The following PACSIN2 variants were observed in gnomAD, a reference collection of about 807,000 sequenced individuals.
The protein encoded by PACSIN2 is protein kinase C and casein kinase substrate in neurons protein 2.
PACSIN2 carries 25 observed loss-of-function variants against 63.8 expected under a neutral mutation model. The observed-to-expected ratio is 0.39, with a 90% confidence interval of 0.29 to 0.55. The LOEUF (loss-of-function observed/expected upper bound fraction) is 0.55, where lower values mean the gene tolerates loss of function less well. Among genes scored for constraint, PACSIN2 ranks in the 20% least tolerant of loss-of-function variants. The pLI is 0.62. For synonymous variants in PACSIN2, 255 were observed against 256.2 expected (o/e 1.00, Z 0.05); for missense variants, 518 against 646.9 (o/e 0.80, Z 2.16).
intron 1 of PACSIN2, among the ~76,000 whole-genome samples, chr22:42,921,372 G>GAAAAAAA (rs66480466): frequency 3.2e-5 from 4 of 125,032 alleles, no homozygotes; most frequent in Admixed American, 7.8e-5. Context: ...AAAGAAAAAA[G>GAAAAAAA]AAAAAAAAAA....
intron 1 of PACSIN2, among the ~76,000 whole-genome samples, chr22:42,991,570 G>A (rs1013245703): frequency 1.3e-5 from 2 of 152,192 alleles, no homozygotes; most frequent in East Asian, 1.9e-4. Flanking sequence ...AGCGGGCATC[G>A]CCCAGTCCCT....
rs1372696599 is a variant in PACSIN2 at position 42,876,754 on chromosome 22, C to T, written c.1151+134G>A. On this transcript the variant is annotated intron_variant, in intron 9 of 10. Transcript: ENST00000263246. ...AGAGAGCAGGTAGTGGGCCAGGGTG[C>T]GGCACGCCAGGTGCCCACTTCCTGC... 5.0e-5 allele frequency: 57 copies of T among 1,132,772 alleles called. 1 individual carries two copies. The highest frequency in any genetic ancestry group is 5.7e-5 in the Non-Finnish European group (44 of 769,846). The allele number at this position is 1,132,772 out of a possible 1,614,324, so 70.2% of individuals were successfully genotyped here.
intron 1 of PACSIN2, among the ~76,000 whole-genome samples, chr22:42,985,659 C>T (rs949339046): frequency 3.9e-5 from 6 of 152,366 alleles, no homozygotes; most frequent in African/African-American, 1.4e-4. Context: ...AACAGACACA[C>T]ACACAGACAC....
intron 1 of PACSIN2, among the ~76,000 whole-genome samples, chr22:42,926,981 T>C (rs993695095): frequency 6.6e-6 from 1 of 152,212 alleles, no homozygotes; most frequent in Non-Finnish European, 1.5e-5. Context: ...GGAGAACCTC[T>C]GGCTCTCCTC....
chr22:43,003,971 T>C (rs1046281487), intron 1 of PACSIN2, among the ~76,000 whole-genome samples: 2 of 152,198 alleles, frequency 1.3e-5, no homozygotes, highest in Admixed American at 6.5e-5. Context: ...TTTCAGATTA[T>C]TGAAACCAAG....
intron 1 of PACSIN2, among the ~76,000 whole-genome samples, chr22:42,966,343 G>A (rs1002786957): frequency 1.1e-4 from 17 of 150,278 alleles, no homozygotes; most frequent in Non-Finnish European, 2.5e-4. Context: ...CCGGCCTGGC[G>A]ACAGAGTGAG....
intron 1 of PACSIN2, among the ~76,000 whole-genome samples, chr22:42,976,844 TTAAC>T (rs1921738030): frequency 6.6e-6 from 1 of 152,158 alleles, no homozygotes; most frequent in African/African-American, 2.4e-5. Context: ...CTCAGGGAGA[TTAAC>T]TAATTTGGCT....
At chr22:42,924,227 C>T (rs1027510250) in intron 1 of PACSIN2, among the ~76,000 whole-genome samples, 22 of 152,214 alleles carry the variant, frequency 1.4e-4, no homozygotes, top group African/African-American at 5.3e-4. Flanking sequence ...AGACCCCCTG[C>T]ATCTCTCCAC....
At chr22:42,901,574 T>C (rs1930689167) in intron 2 of PACSIN2, among the ~76,000 whole-genome samples, 1 of 152,020 alleles carries the variant, frequency 6.6e-6, no homozygotes, top group South Asian at 2.1e-4. Context: ...TCAGGTAGAG[T>C]CAGAGCTATT....
At chr22:42,999,591 C>A (rs1054903601) in intron 1 of PACSIN2, among the ~76,000 whole-genome samples, 2 of 152,166 alleles carry the variant, frequency 1.3e-5, no homozygotes, top group Non-Finnish European at 2.9e-5. Flanking sequence ...TCGCTTGAAC[C>A]CGGGACGCGG....
At position 42,876,247 on chromosome 22, in the gene PACSIN2, T is replaced by A. The variant is rs777391617; in HGVS notation, c.1238A>T (p.Asn413Ile). The change falls in exon 10 of 11, where the codon AAT becomes ATT. Residue 413 changes from asparagine (N) to isoleucine (I), a missense_variant. Transcript: ENST00000263246. ...SNNPFSSTDA[N>I]GDSNPFDDDA... ...GTCGTCGAATGGATTCGAGTCCCCA[T>A]TGGCATCCGTGGAGGAGAAGGGGTT... The A allele has an allele frequency of 1.2e-6, 2 of 1,614,034 alleles. No homozygotes were observed. The highest frequency in any genetic ancestry group is 8.5e-7 in the Non-Finnish European group (1 of 1,180,024).
intron 2 of PACSIN2, among the ~76,000 whole-genome samples, chr22:42,910,471 G>A (rs1184238327): frequency 6.6e-6 from 1 of 152,210 alleles, no homozygotes; most frequent in African/African-American, 2.4e-5. Context: ...CCAGCCAGCG[G>A]GACCTGATTA....
At chr22:42,883,773 AG>A in intron 6 of PACSIN2, among the ~76,000 whole-genome samples, 1 of 152,328 alleles carries the variant, frequency 6.6e-6, no homozygotes, top group East Asian at 1.9e-4. Flanking sequence ...TGGAAGGCCG[AG>A]GTGGGCGGAT....
intron 1 of PACSIN2, among the ~76,000 whole-genome samples, chr22:42,956,000 T>C (rs1601576272): frequency 6.6e-6 from 1 of 152,326 alleles, no homozygotes; most frequent in African/African-American, 2.4e-5. Flanking sequence ...GAGTTCCAAA[T>C]TGGGAAGTTC....
chr22:42,876,477 G>A, intron 9 of PACSIN2, 144 bp from the exon 10 acceptor site: 2 of 666,464 alleles, frequency 3.0e-6, no homozygotes, highest in South Asian at 3.8e-5. Flanking sequence ...GCCAGTGCTA[G>A]TGTGAGTTCA....
At chr22:42,913,011 T>C (rs1931562518) in intron 1 of PACSIN2, among the ~76,000 whole-genome samples, 2 of 152,250 alleles carry the variant, frequency 1.3e-5, no homozygotes, top group South Asian at 2.1e-4. Context: ...TCCTGTTTCA[T>C]ATGTAATCAC....
chr22:42,939,899 G>A (rs964298815), intron 1 of PACSIN2, among the ~76,000 whole-genome samples: 13 of 152,342 alleles, frequency 8.5e-5, no homozygotes, highest in African/African-American at 2.6e-4. Context: ...AGATGGCAGC[G>A]TGCAAGATAA....
intron 1 of PACSIN2, among the ~76,000 whole-genome samples, chr22:42,969,068 T>TCCAC (rs1921047034): frequency 6.6e-6 from 1 of 151,962 alleles, no homozygotes; most frequent in South Asian, 2.1e-4. Flanking sequence ...CATCCATCCA[T>TCCAC]CCACCCTATT....
intron 1 of PACSIN2, among the ~76,000 whole-genome samples, chr22:42,981,075 T>C (rs1017751156): frequency 6.8e-5 from 10 of 146,610 alleles, no homozygotes; most frequent in Non-Finnish European, 1.1e-4. Context: ...ATCTAGGAAG[T>C]GAGGAACGTC....
Sources: allele counts gnomAD v4.1 joint callset (sites outside exome capture counted in the v4.1 genomes callset), GRCh38; gene constraint gnomAD v4.1.1; transcripts MANE v1.5; gene names NCBI Gene and HGNC (gene_info 2026-07-23, HGNC 2026-07-21).